Variants in ZBTB10 observed in about 807,000 individuals in gnomAD.
ZBTB10 encodes zinc finger and BTB domain containing 10, also known as zinc finger and BTB domain-containing protein 10.
ZBTB10 carries 32 observed loss-of-function variants against 76.4 expected under a neutral mutation model. The ratio of observed to expected loss-of-function variants is 0.42; its 90% CI spans 0.32 to 0.56. ZBTB10 has a LOEUF of 0.56. Ranked by LOEUF, ZBTB10 falls within the 20% of genes least tolerant of loss-of-function variation. The pLI, the probability that ZBTB10 is intolerant of heterozygous loss-of-function variation, is 0.14. For synonymous variants in ZBTB10, 523 were observed against 432.9 expected (o/e 1.21, Z -2.58); for missense variants, 1,057 against 1,098.5 (o/e 0.96, Z 0.53).
rs1324846385 is a variant in ZBTB10, at chr8:80,487,504, C to A, written c.694C>A (p.Gln232Lys). Reference protein sequence around the residue: ...GVGAGEGETVQHFPLARPKSL... With the variant: ...GVGAGEGETVKHFPLARPKSL... Reference sequence around the variant, plus strand: ...GGGAGCTGGCGAAGGAGAGACTGTCCAGCACTTCCCGCTCGCGCGGCCCAA... The same window carrying A: ...GGGAGCTGGCGAAGGAGAGACTGTCAAGCACTTCCCGCTCGCGCGGCCCAA... Residue 232 changes from glutamine to lysine, a missense_variant, in exon 1 of 6, where the codon CAG (glutamine) becomes AAG (lysine). By Grantham distance (53) the Gln-to-Lys change is moderately conservative. Transcript: ENST00000455036. 6.4e-7 allele frequency: 1 copy of A among 1,557,908 alleles called. No homozygotes were observed. Among genetic ancestry groups the A allele is most frequent in the African/African-American group, 1.4e-5 (1 of 73,492 alleles).
At position 80,506,823 on chromosome 8, in the gene ZBTB10, CTTAGGAG is replaced by C. The variant is rs1266008250; in HGVS notation, c.1861+6442_1861+6448del. Reference sequence around the variant, plus strand: ...ATGGATCTGAATTAGTTTTTATTCTCTTAGGAGATTCCGAGTGTTTTGCTAAACCTCT... The same window carrying C: ...ATGGATCTGAATTAGTTTTTATTCTCATTCCGAGTGTTTTGCTAAACCTCT... On this transcript the variant is annotated intron_variant, in intron 2 of 5. Transcript: ENST00000455036. Among the ~76,000 whole-genome samples, 3 of 152,142 alleles carry C rather than the reference CTTAGGAG, an allele frequency of 2.0e-5. 1 individual carries two copies. In the East Asian group the frequency reaches 5.8e-4, roughly 29 times the overall value.
chr8:80,505,545 C>T (rs1319036559), intron 2 of ZBTB10, among the ~76,000 whole-genome samples: 1 of 152,036 alleles, frequency 6.6e-6, no homozygotes, highest in Admixed American at 6.6e-5. Flanking sequence ...TTCACCTAGA[C>T]TTATGATGGA....
At position 80,487,555 on chromosome 8, in the gene ZBTB10, T is replaced by C; in HGVS notation, c.745T>C (p.Ser249Pro). The C allele has an allele frequency of 1.9e-6, 3 of 1,606,008 alleles. No homozygotes were observed. Among genetic ancestry groups the C allele is most frequent in the Non-Finnish European group, 2.6e-6 (3 of 1,176,114 alleles). ...PKSLMQKLQC[S>P]FQTSWLKDFP... ...GTCTCTAATGCAGAAGCTCCAATGC[T>C]CCTTCCAGACCTCCTGGCTCAAGGA... is the stretch of plus-strand genomic sequence containing the variant. The change falls in exon 1 of 6, where the codon TCC becomes CCC. Residue 249 changes from serine to proline, a missense_variant. Ser to Pro is a moderately conservative substitution (Grantham distance 74). Coordinates refer to ENST00000455036, the MANE Select transcript of ZBTB10 (RefSeq NM_001105539.3).
Position 80,523,868 on chromosome 8 carries a change from C to T in ZBTB10, c.*4340C>T, listed in dbSNP as rs1210211231. The T allele has an allele frequency of 3.3e-5, 5 of 151,950 alleles. No individual in the cohort carries two copies. The highest frequency in any genetic ancestry group is 4.4e-5 in the Non-Finnish European group (3 of 67,896). 9.4% of individuals were successfully genotyped at this position (151,950 alleles called of 1,614,324 possible). A position where few individuals can be genotyped will look rare whatever the true frequency, so the allele number is the denominator to read the frequency against. On this transcript the variant is annotated 3_prime_UTR_variant, in exon 6 of 6. Transcript: ENST00000455036. ...ACTGTAAACAAAAGAACACTTCCGCCTGCTGTTTGTAAAAGCTCTTTGGGA... is the reference window on the plus strand; with the variant it reads ...ACTGTAAACAAAAGAACACTTCCGCTTGCTGTTTGTAAAAGCTCTTTGGGA...
chr8:80,486,779 G>T lies in ZBTB10; in HGVS notation c.-32G>T. On this transcript the variant is annotated 5_prime_UTR_variant, in exon 1 of 6. Coordinates refer to ENST00000455036, the MANE Select transcript of ZBTB10 (RefSeq NM_001105539.3). ...CGGCCCGAGGCCGTGCGCGAGCCGG[G>T]GCACCGGGCGGCGGCGGCGGCGGCG... The T allele has an allele frequency of 7.3e-7, 1 of 1,370,100 alleles. No individual in the cohort carries two copies. 84.9% of individuals were successfully genotyped at this position (1,370,100 alleles called of 1,614,324 possible). A position where few individuals can be genotyped will look rare whatever the true frequency, so the allele number is the denominator to read the frequency against.
rs1815871817 is a variant in ZBTB10 at position 80,499,635 on chromosome 8, G to A, written c.1114G>A (p.Gly372Arg). ...TTGTGATGTCAGCATTGTGGTAAGC[G>A]GAAAAATCTTCAAAGCTCATAAGAA... ...ILCDVSIVVS[G>R]KIFKAHKNIL... is the part of the protein sequence containing the mutation. Residue 372 changes from glycine to arginine, a missense_variant, in exon 2 of 6, where the codon GGA becomes AGA. Physicochemically the swap from Gly to Arg is moderately radical, Grantham distance 125. This residue lies in a region of ZBTB10 where 86 missense variants were observed against 145.7 expected (regional missense o/e 0.59). Coordinates refer to ENST00000455036, the MANE Select transcript of ZBTB10 (RefSeq NM_001105539.3). 2 of 1,613,854 alleles carry A rather than the reference G, an allele frequency of 1.2e-6. No individual in the cohort carries two copies. Among genetic ancestry groups the A allele is most frequent in the Non-Finnish European group, 1.7e-6 (2 of 1,179,844 alleles).
intron 2 of ZBTB10, among the ~76,000 whole-genome samples, chr8:80,503,811 ACTGCGCTCTGC>A (rs1215313794): frequency 6.6e-6 from 1 of 152,254 alleles, no homozygotes; most frequent in African/African-American, 2.4e-5. Flanking sequence ...GGCGTGAGCC[ACTGCGCTCTGC>A]CTGGAATAGT....
At position 80,519,632 on chromosome 8, in the gene ZBTB10, A is replaced by G. The variant is rs1585865093; in HGVS notation, c.*104A>G. 8.6e-6 allele frequency: 11 copies of G among 1,284,224 alleles called. No homozygotes were observed. The highest frequency in any genetic ancestry group is 1.5e-5 in the South Asian group (1 of 64,724). 79.6% of individuals were successfully genotyped at this position (1,284,224 alleles called of 1,614,324 possible). A position where few individuals can be genotyped will look rare whatever the true frequency, so the allele number is the denominator to read the frequency against. ...TTGCAAAATATGGTACATGCTGGAT[A>G]GTAGTTATGTTGCTGTGAAAACTGT... On this transcript the variant is annotated 3_prime_UTR_variant, in exon 6 of 6. Coordinates refer to ENST00000455036, the MANE Select transcript of ZBTB10 (RefSeq NM_001105539.3).
intron 2 of ZBTB10, among the ~76,000 whole-genome samples, chr8:80,507,341 G>A (rs111573144): frequency 0.28 from 40,220 of 141,892 alleles, 6,132 homozygotes; most frequent in African/African-American, 0.44. Flanking sequence ...AGCTGGGCAC[G>A]GTGGCTCACG....
chr8:80,504,853 T>G (rs2131498222), intron 2 of ZBTB10, among the ~76,000 whole-genome samples: 1 of 152,344 alleles, frequency 6.6e-6, no homozygotes, highest in Admixed American at 6.5e-5. Flanking sequence ...GAAATTGAAT[T>G]ACAGAAGTAC....
At chr8:80,501,947 C>G (rs1815935988) in intron 2 of ZBTB10, among the ~76,000 whole-genome samples, 1 of 151,948 alleles carries the variant, frequency 6.6e-6, no homozygotes, top group Non-Finnish European at 1.5e-5. Context: ...TGGTGGGAAC[C>G]CTGTAGTGTT....
chr8:80,513,648 A>G (rs1307834001), intron 2 of ZBTB10, among the ~76,000 whole-genome samples: 1 of 152,218 alleles, frequency 6.6e-6, no homozygotes, highest in African/African-American at 2.4e-5. Flanking sequence ...GGGAGAAACT[A>G]AGGCATATGG....
At position 80,525,534 on chromosome 8, in the gene ZBTB10, GATAATAC is replaced by G. The variant is rs1475773815; in HGVS notation, c.*6011_*6017del. On this transcript the variant is annotated 3_prime_UTR_variant, in exon 6 of 6. Transcript: ENST00000455036. ...TGGCGCAGGTCCTAACAGTTGGTGA[GATAATAC>G]ATAAGATGGTTTCAGGATTATTGTA... 1 of 152,146 alleles carries G rather than the reference GATAATAC, an allele frequency of 6.6e-6. No individual in the cohort carries two copies. The highest frequency in any genetic ancestry group is 2.4e-5 in the African/African-American group (1 of 41,440). 9.4% of individuals were successfully genotyped at this position (152,146 alleles called of 1,614,324 possible). A position where few individuals can be genotyped will look rare whatever the true frequency, so the allele number is the denominator to read the frequency against.
In ZBTB10 at chr8:80,519,390, A is replaced by C. The variant is rs1262966624; in HGVS notation, c.2478A>C (p.Thr826=). 1.9e-6 allele frequency: 3 copies of C among 1,601,564 alleles called. No individual in the cohort carries two copies. Among genetic ancestry groups the C allele is most frequent in the Non-Finnish European group, 8.5e-7 (1 of 1,174,228 alleles). Residue 826 remains threonine (T), a synonymous_variant, in exon 6 of 6, where the codon ACA becomes ACC. Coordinates refer to ENST00000455036, the MANE Select transcript of ZBTB10 (RefSeq NM_001105539.3). ...GQEGVDQGQD[T]EFPRDEEYEE... ...AAGGTGTAGATCAGGGACAGGATAC[A>C]GAATTCCCTCGGGATGAAGAATACG...
chr8:80,515,505 A>G (rs1213519715), intron 3 of ZBTB10, among the ~76,000 whole-genome samples: 1 of 152,210 alleles, frequency 6.6e-6, no homozygotes, highest in Non-Finnish European at 1.5e-5. Flanking sequence ...TGTACGTCAG[A>G]TGTCTTGAAT....
chr8:80,495,016 A>G (rs541914682), intron 1 of ZBTB10, among the ~76,000 whole-genome samples: 2 of 151,890 alleles, frequency 1.3e-5, no homozygotes, highest in East Asian at 1.9e-4. Context: ...CCTTGCTGCC[A>G]TAGGCATCTC....
At chr8:80,496,681 G>A (rs1476655577) in intron 1 of ZBTB10, among the ~76,000 whole-genome samples, 6 of 152,106 alleles carry the variant, frequency 3.9e-5, no homozygotes, top group Non-Finnish European at 7.4e-5. Flanking sequence ...GAAAATTCAG[G>A]GTGCAGTGAC....
chr8:80,507,571 G>A (rs529051216), intron 2 of ZBTB10, among the ~76,000 whole-genome samples: 19 of 152,014 alleles, frequency 1.2e-4, no homozygotes, highest in African/African-American at 4.1e-4. Flanking sequence ...CTGAGATCGC[G>A]CCACTGCACT....
intron 2 of ZBTB10, among the ~76,000 whole-genome samples, chr8:80,511,605 A>T (rs1449870139): frequency 6.6e-6 from 1 of 152,218 alleles, no homozygotes; most frequent in Non-Finnish European, 1.5e-5. Flanking sequence ...CTCCCGCCTC[A>T]GCCTCCTCAG....
Sources: allele counts gnomAD v4.1 joint callset (sites outside exome capture counted in the v4.1 genomes callset), GRCh38; gene constraint gnomAD v4.1.1; regional missense constraint gnomAD v4.1.1; transcripts MANE v1.5; gene names NCBI Gene and HGNC (gene_info 2026-07-23, HGNC 2026-07-21).